Variants in CTNNBL1 observed in about 807,000 individuals in gnomAD.
CTNNBL1 encodes the protein beta-catenin-like protein 1.
CTNNBL1 carries 31 observed loss-of-function variants against 72.7 expected under a neutral mutation model. The observed-to-expected ratio is 0.43, with a 90% CI of 0.32 to 0.58. The LOEUF is 0.58. CTNNBL1 is among the 20% of genes least tolerant of loss of function. CTNNBL1 has a pLI of 0.08. For missense variants in CTNNBL1, 534 were observed against 725.1 expected, an observed-to-expected ratio of 0.74 and a Z score of 3.03; for synonymous variants, 240 against 267.3, an observed-to-expected ratio of 0.90 and a Z score of 1.00.
intron 4 of CTNNBL1, among the ~76,000 whole-genome samples, chr20:37,753,217 A>G (rs1223721921): frequency 6.6e-6 from 1 of 152,156 alleles, no homozygotes; most frequent in Non-Finnish European, 1.5e-5. Flanking sequence ...TTTATATAAA[A>G]TCAGTTAGTG....
At chr20:37,858,833 G>GA in intron 13 of CTNNBL1, among the ~76,000 whole-genome samples, 1 of 152,090 alleles carries the variant, frequency 6.6e-6, no homozygotes, top group Non-Finnish European at 1.5e-5. Flanking sequence ...ACTTAATTAG[G>GA]GCTTTGGCCT....
chr20:37,708,537 G>A (rs1444684622), intron 1 of CTNNBL1, among the ~76,000 whole-genome samples: 1 of 152,046 alleles, frequency 6.6e-6, no homozygotes, highest in African/African-American at 2.4e-5. Flanking sequence ...TATCTGCAAA[G>A]GGGGAAAAAA....
At chr20:37,715,827 T>C (rs375262925) in intron 1 of CTNNBL1, among the ~76,000 whole-genome samples, 19 of 152,356 alleles carry the variant, frequency 1.2e-4, no homozygotes, top group African/African-American at 4.1e-4. Context: ...GAAGTCATTG[T>C]AAATTGACAG....
At chr20:37,759,028 T>C (rs1488003293) in intron 5 of CTNNBL1, among the ~76,000 whole-genome samples, 1 of 152,188 alleles carries the variant, frequency 6.6e-6, no homozygotes, top group East Asian at 1.9e-4. Flanking sequence ...AACCCACTGG[T>C]TATGAAGAAC....
chr20:37,784,764 G>A (rs975264020), intron 10 of CTNNBL1, among the ~76,000 whole-genome samples: 3 of 152,146 alleles, frequency 2.0e-5, no homozygotes, highest in Middle Eastern at 3.2e-3. Context: ...GGTATGTGTA[G>A]TTTATACGCC....
At chr20:37,848,709 C>T (rs540911232) in intron 13 of CTNNBL1, among the ~76,000 whole-genome samples, 1 of 152,294 alleles carries the variant, frequency 6.6e-6, no homozygotes, top group South Asian at 2.1e-4. Context: ...GGTCCCACAC[C>T]TCTGCCACTT....
intron 15 of CTNNBL1, among the ~76,000 whole-genome samples, chr20:37,863,653 G>A (rs994857949): frequency 1.3e-5 from 2 of 152,130 alleles, no homozygotes; most frequent in African/African-American, 2.4e-5. Context: ...GTTGGGTGGG[G>A]TGTGGCTGGG....
chr20:37,796,753 C>T (rs552341268), intron 10 of CTNNBL1, among the ~76,000 whole-genome samples: 1 of 152,158 alleles, frequency 6.6e-6, no homozygotes, highest in Non-Finnish European at 1.5e-5. Flanking sequence ...CATCACTGGC[C>T]GTCAGAAGCT....
intron 15 of CTNNBL1, among the ~76,000 whole-genome samples, chr20:37,863,588 G>T (rs2072510515): frequency 6.6e-6 from 1 of 152,174 alleles, no homozygotes; most frequent in African/African-American, 2.4e-5. Context: ...AGTGGCCTTG[G>T]GGAGGACTAT....
chr20:37,759,789 C>T (rs995573380), intron 5 of CTNNBL1, among the ~76,000 whole-genome samples: 2 of 151,810 alleles, frequency 1.3e-5, no homozygotes, highest in African/African-American at 2.4e-5. Flanking sequence ...ACAGAACCAG[C>T]GGTGGTCTTC....
At chr20:37,760,598 G>A (rs1340793867) in intron 5 of CTNNBL1, among the ~76,000 whole-genome samples, 1 of 152,206 alleles carries the variant, frequency 6.6e-6, no homozygotes, top group Non-Finnish European at 1.5e-5. Flanking sequence ...CCAATTCTGT[G>A]TCCTTGGGAA....
rs189541950 is a variant in CTNNBL1 at position 37,732,848 on chromosome 20, G to A, written c.31-31G>A. The A allele has an allele frequency of 1.6e-4, 261 of 1,604,972 alleles. No individual in the cohort carries two copies. The Admixed American group carries it at 4.2e-3, about 26-fold the overall frequency. On this transcript the variant is annotated intron_variant, in intron 1 of 15. Coordinates refer to ENST00000361383, the MANE Select transcript of CTNNBL1 (RefSeq NM_030877.5). ...ACGCCTGGCTTCTATGTTGTATCCAGCTCTAAAATCTTATGTTTCTTTTCT... is the reference window on the plus strand; with the variant it reads ...ACGCCTGGCTTCTATGTTGTATCCAACTCTAAAATCTTATGTTTCTTTTCT...
intron 1 of CTNNBL1, among the ~76,000 whole-genome samples, chr20:37,723,289 G>A (rs1014732174): frequency 6.6e-6 from 1 of 152,194 alleles, no homozygotes; most frequent in African/African-American, 2.4e-5. Flanking sequence ...CATCTTAGCT[G>A]TCAGCCAATC....
intron 1 of CTNNBL1, among the ~76,000 whole-genome samples, chr20:37,720,303 C>T (rs2073028820): frequency 4.6e-5 from 7 of 152,122 alleles, no homozygotes; most frequent in Admixed American, 1.3e-4. Context: ...GCTGGGATTA[C>T]AGGCGTGAGC....
intron 11 of CTNNBL1, among the ~76,000 whole-genome samples, chr20:37,808,530 A>G (rs941416396): frequency 1.3e-5 from 2 of 152,226 alleles, no homozygotes; most frequent in African/African-American, 4.8e-5. Context: ...AGTGGAGACA[A>G]GGAACAGAAT....
chr20:37,737,990 A>T (rs1220757454), intron 3 of CTNNBL1, among the ~76,000 whole-genome samples: 1 of 152,226 alleles, frequency 6.6e-6, no homozygotes, highest in Non-Finnish European at 1.5e-5. Flanking sequence ...CAAAGCAGCA[A>T]CCTTATCACT....
At chr20:37,712,529 C>T (rs757963417) in intron 1 of CTNNBL1, among the ~76,000 whole-genome samples, 1 of 152,196 alleles carries the variant, frequency 6.6e-6, no homozygotes, top group Non-Finnish European at 1.5e-5. Flanking sequence ...CCATCTTTTT[C>T]AATTGGCTTA....
chr20:37,713,008 G>A (rs2072952061), intron 1 of CTNNBL1, among the ~76,000 whole-genome samples: 2 of 152,304 alleles, frequency 1.3e-5, no homozygotes, highest in Admixed American at 1.3e-4. Context: ...GGGCTGCTAA[G>A]CTTGCCAATG....
intron 8 of CTNNBL1, 80 bp from the exon 9 acceptor site, chr20:37,777,574 C>T (rs2073587157): frequency 4.2e-6 from 6 of 1,445,640 alleles, no homozygotes; most frequent in Non-Finnish European, 5.8e-6. Flanking sequence ...ATTTTGTTTG[C>T]TGATGTATCA....
Sources: gnomAD v4.1 joint callset for allele counts (sites outside exome capture counted in the v4.1 genomes callset) on GRCh38, gnomAD v4.1.1 for gene constraint, MANE v1.5 for transcripts, NCBI Gene and HGNC (gene_info 2026-07-23, HGNC 2026-07-21) for gene names.